The following SYNRG variants were observed in gnomAD, a reference collection of about 807,000 sequenced individuals.
The protein encoded by SYNRG is AP1 gamma subunit binding protein 1.
Under a neutral mutation model 130.9 loss-of-function variants are expected in SYNRG, and 37 were observed. That is an observed-to-expected ratio of 0.28 (90% CI 0.22 to 0.37). The LOEUF (loss-of-function observed/expected upper bound fraction) is 0.37, where lower values mean the gene tolerates loss of function less well. Among genes scored for constraint, SYNRG ranks in the 10% least tolerant of loss-of-function variants. The probability of loss-of-function intolerance (pLI) is 1.00; values close to 1 mark genes in which losing one functional copy is unlikely to be tolerated. For synonymous variants in SYNRG, 539 were observed against 568.1 expected (o/e 0.95, Z 0.73); for missense variants, 1,338 against 1,588.9 (o/e 0.84, Z 2.68).
chr17:37,536,383 A>T (rs1706793883), intron 18 of SYNRG: 1 of 478,890 alleles, frequency 2.1e-6, no homozygotes, highest in Non-Finnish European at 3.7e-6. Context: ...GGCAAGTCAC[A>T]TAATCTCTCT....
chr17:37,583,770 C>T (rs769171770), intron 6 of SYNRG, among the ~76,000 whole-genome samples: 2 of 152,202 alleles, frequency 1.3e-5, no homozygotes, highest in Non-Finnish European at 2.9e-5. Flanking sequence ...TCTCGGCTCA[C>T]TGTAACCTCC....
intron 8 of SYNRG, among the ~76,000 whole-genome samples, chr17:37,576,030 TTGC>T (rs1274149338): frequency 6.6e-6 from 1 of 151,280 alleles, no homozygotes; most frequent in Non-Finnish European, 1.5e-5. Context: ...ATGTTATTAA[TTGC>T]TGAAGTAAAT....
intron 10 of SYNRG, 119 bp from the exon 11 acceptor site, chr17:37,569,043 A>T: frequency 9.6e-7 from 1 of 1,039,726 alleles, no homozygotes; most frequent in South Asian, 1.7e-5. Flanking sequence ...ACATTAACTC[A>T]AGTGCTTACG....
chr17:37,584,798 C>A (rs2061575603), intron 5 of SYNRG, 39 bp from the exon 6 acceptor site: 1 of 1,496,774 alleles, frequency 6.7e-7, no homozygotes, highest in Non-Finnish European at 9.3e-7. Flanking sequence ...CTTTACTTAT[C>A]CCTCACTGTA....
At chr17:37,600,586 G>A (rs1204959708) in intron 1 of SYNRG, 183 bp from the exon 2 acceptor site, 3 of 718,728 alleles carry the variant, frequency 4.2e-6, no homozygotes, top group African/African-American at 1.8e-5. Flanking sequence ...GCATGCTACT[G>A]CAGACGGAAA....
rs2054397671 is a variant in SYNRG at position 37,515,982 on chromosome 17, C to T, written c.*2958G>A. On this transcript the variant is annotated 3_prime_UTR_variant, in exon 22 of 22. Coordinates refer to ENST00000612223, the MANE Select transcript of SYNRG (RefSeq NM_007247.6). ...CCCCTATGGAATGCTAACTAGTAGC[C>T]ACAGGAAAAATAAAGCATGGAAAAT... 1 of 151,962 alleles carries T rather than the reference C, an allele frequency of 6.6e-6. No homozygotes were observed. The highest frequency in any genetic ancestry group is 2.4e-5 in the African/African-American group (1 of 41,352). 9.4% of individuals were successfully genotyped at this position (151,962 alleles called of 1,614,324 possible). A position where few individuals can be genotyped will look rare whatever the true frequency, so the allele number is the denominator to read the frequency against.
In SYNRG at chr17:37,585,440, A is replaced by C; in HGVS notation, c.372-10T>G. 6.3e-7 allele frequency: 1 copy of C among 1,596,918 alleles called. No individual in the cohort carries two copies. Among genetic ancestry groups the C allele is most frequent in the Non-Finnish European group, 8.6e-7 (1 of 1,167,276 alleles). ...CTGTTCAAATCGTTTCCTGAAGGAAAAATGATCTAATAAAGAACCAGCTCC... is the reference window on the plus strand; with the variant it reads ...CTGTTCAAATCGTTTCCTGAAGGAACAATGATCTAATAAAGAACCAGCTCC... On this transcript the variant is annotated splice_polypyrimidine_tract_variant and intron_variant, in intron 4 of 21. Coordinates refer to ENST00000612223, the MANE Select transcript of SYNRG (RefSeq NM_007247.6).
intron 8 of SYNRG, among the ~76,000 whole-genome samples, chr17:37,575,406 T>C (rs1242185409): frequency 5.9e-5 from 9 of 152,264 alleles, no homozygotes; most frequent in African/African-American, 2.2e-4. Flanking sequence ...TATCAAAGTA[T>C]CTCATGTACT....
chr17:37,595,473 C>T (rs893478634), intron 3 of SYNRG, among the ~76,000 whole-genome samples: 1 of 152,020 alleles, frequency 6.6e-6, no homozygotes, highest in African/African-American at 2.4e-5. Flanking sequence ...AAGACAGGCT[C>T]GACAGACATT....
chr17:37,543,533 T>C (rs1598224580), intron 14 of SYNRG, among the ~76,000 whole-genome samples: 2 of 152,218 alleles, frequency 1.3e-5, no homozygotes, highest in East Asian at 3.8e-4. Context: ...AACCTCAGTT[T>C]GCTTATCAGT....
chr17:37,604,986 A>G (rs2063624456), intron 1 of SYNRG, among the ~76,000 whole-genome samples: 1 of 152,220 alleles, frequency 6.6e-6, no homozygotes, highest in African/African-American at 2.4e-5. Flanking sequence ...CACTAGTAAC[A>G]TCAAAGATCA....
intron 4 of SYNRG, 151 bp from the exon 5 acceptor site, chr17:37,585,581 G>A (rs1416596424): frequency 5.2e-6 from 3 of 579,100 alleles, no homozygotes; most frequent in East Asian, 2.9e-5. Flanking sequence ...CGACAATCCT[G>A]TTTCCTCACT....
chr17:37,606,213 G>A (rs948630449), intron 1 of SYNRG, among the ~76,000 whole-genome samples: 12 of 152,184 alleles, frequency 7.9e-5, no homozygotes, highest in Admixed American at 1.3e-4. Flanking sequence ...CGTTTCCTTA[G>A]TGTTGACTAG....
chr17:37,591,748 T>C (rs1209609616), intron 3 of SYNRG, among the ~76,000 whole-genome samples: 1 of 152,172 alleles, frequency 6.6e-6, no homozygotes, highest in Non-Finnish European at 1.5e-5. Flanking sequence ...CACACTTGCA[T>C]AGGTAAAAAG....
At chr17:37,578,808 T>C (rs1430679619) in intron 6 of SYNRG, among the ~76,000 whole-genome samples, 1 of 152,236 alleles carries the variant, frequency 6.6e-6, no homozygotes, top group African/African-American at 2.4e-5. Flanking sequence ...AAGAAGCCTT[T>C]CCTAGCTCCT....
intron 19 of SYNRG, among the ~76,000 whole-genome samples, chr17:37,525,691 G>C (rs537925137): frequency 2.6e-5 from 4 of 151,990 alleles, no homozygotes; most frequent in Admixed American, 1.3e-4. Flanking sequence ...AAAAATGCCG[G>C]GAGCGGTGGC....
intron 6 of SYNRG, among the ~76,000 whole-genome samples, chr17:37,578,144 A>C (rs1022104326): frequency 1.3e-5 from 2 of 151,904 alleles, no homozygotes; most frequent in African/African-American, 4.8e-5. Flanking sequence ...AGCCTGACCC[A>C]CATAATGAAA....
chr17:37,601,415 T>C (rs17138610), intron 1 of SYNRG, among the ~76,000 whole-genome samples: 483 of 152,276 alleles, frequency 3.2e-3, no homozygotes, highest in African/African-American at 0.011. Context: ...TATATGAAGT[T>C]GTCAGAGGTT....
chr17:37,607,576 G>A (rs1002956196), intron 1 of SYNRG, among the ~76,000 whole-genome samples: 1 of 152,144 alleles, frequency 6.6e-6, no homozygotes, highest in Admixed American at 6.5e-5. Flanking sequence ...ATCACTTGAG[G>A]CCAGGAGTTT....
Sources: allele counts gnomAD v4.1 joint callset (sites outside exome capture counted in the v4.1 genomes callset), GRCh38; gene constraint gnomAD v4.1.1; transcripts MANE v1.5; gene names NCBI Gene and HGNC (gene_info 2026-07-23, HGNC 2026-07-21).